The following GABRA5 variants were observed in gnomAD, a reference collection of about 807,000 sequenced individuals.
GABRA5 encodes the protein gamma-aminobutyric acid receptor subunit alpha-5.
Under a neutral mutation model 47.3 loss-of-function variants are expected in GABRA5, and 18 were observed. The observed-to-expected ratio is 0.38, with a 90% confidence interval of 0.26 to 0.56. The LOEUF is 0.56. Among genes scored for constraint, GABRA5 ranks in the 20% least tolerant of loss-of-function variants. The pLI is 0.71. For synonymous variants in GABRA5, 237 were observed against 229.3 expected, an observed-to-expected ratio of 1.03 and a Z score of -0.30; for missense variants, 365 against 599.3, an observed-to-expected ratio of 0.61 and a Z score of 4.08.
At chr15:26,877,618 A>C (rs547795147) in intron 3 of GABRA5, 1 of 454,388 alleles carries the variant, frequency 2.2e-6, no homozygotes, top group African/African-American at 2.0e-5. Context: ...CACTGCCTTC[A>C]CTAGCACCCG....
intron 9 of GABRA5, 146 bp downstream of exon 9, chr15:26,940,223 A>G (rs1595436405): frequency 1.5e-6 from 1 of 680,670 alleles, no homozygotes; most frequent in South Asian, 2.0e-5. Flanking sequence ...CTAATTAAGA[A>G]TTTAATGTTA....
In GABRA5 at chr15:26,940,006, T is replaced by A; in HGVS notation, c.806T>A (p.Ile269Lys). Residue 269 changes from isoleucine (I) to lysine (K), a missense_variant, in exon 9 of 11, where the codon ATA (isoleucine) becomes AAA (lysine). Around this residue, in one of 3 missense-constraint regions of GABRA5, gnomAD observed 43 missense variants for 133.7 expected, o/e 0.32. Transcript: ENST00000335625. The part of the protein sequence containing the change: ...YFVIQTYLPC[I>K]MTVILSQVSF... ...GTCATCCAGACCTACCTTCCCTGCA[T>A]AATGACCGTGATCTTATCACAGGTG... is the stretch of plus-strand genomic sequence containing the variant. The A allele has an allele frequency of 6.2e-7, 1 of 1,613,992 alleles. No individual in the cohort carries two copies. Among genetic ancestry groups the A allele is most frequent in the Non-Finnish European group, 8.5e-7 (1 of 1,179,878 alleles).
intron 2 of GABRA5, 41 bp from the exon 3 acceptor site, chr15:26,869,134 C>G: frequency 1.4e-6 from 1 of 717,800 alleles, no homozygotes; most frequent in Non-Finnish European, 2.6e-6. Context: ...GACACAACAG[C>G]ATTGATGTTC....
chr15:26,922,689 T>G (rs1893871215), intron 7 of GABRA5, among the ~76,000 whole-genome samples: 1 of 53,872 alleles, frequency 1.9e-5, no homozygotes, highest in Non-Finnish European at 4.5e-5. Flanking sequence ...CCATTTTGAT[T>G]TATTTATAAT....
rs1396021808 is a variant in GABRA5, at chr15:26,883,672, C to T, written c.497+115C>T. 1.6e-5 allele frequency: 13 copies of T among 816,344 alleles called. No homozygotes were observed. The highest frequency in any genetic ancestry group is 3.7e-4 in the Middle Eastern group (1 of 2,684). The allele number at this position is 816,344 out of a possible 1,614,324, so 50.6% of individuals were successfully genotyped here. ...TGTTCTGACCATAGGTCTGAGACTG[C>T]GGCGCGTGTGTGCTGGGGGTTCCCC... On this transcript the variant is annotated intron_variant, in intron 6 of 10. Transcript: ENST00000335625. The surrounding 1 kb of genome is among the most constrained non-coding windows in gnomAD (Gnocchi z 4.8).
At chr15:26,937,358 G>A (rs769748036) in intron 8 of GABRA5, 30 bp downstream of exon 8, 1 of 1,572,174 alleles carries the variant, frequency 6.4e-7, no homozygotes, top group Non-Finnish European at 8.6e-7. Flanking sequence ...TGTGCTGCCA[G>A]GCGCACTCAG....
intron 7 of GABRA5, among the ~76,000 whole-genome samples, chr15:26,932,748 C>T (rs1382513421): frequency 1.3e-5 from 2 of 152,112 alleles, no homozygotes; most frequent in African/African-American, 2.4e-5. Flanking sequence ...ATAAGGAAAA[C>T]GTGGTACATA....
At chr15:26,945,480 A>C (rs1022845191) in intron 10 of GABRA5, among the ~76,000 whole-genome samples, 1 of 152,222 alleles carries the variant, frequency 6.6e-6, no homozygotes, top group Non-Finnish European at 1.5e-5. Context: ...TTCAGAGAGG[A>C]AGAGATCGAA....
rs748482059 is a variant in GABRA5, at chr15:26,948,057, G to A, written c.1213G>A (p.Val405Ile). 6.2e-7 allele frequency: 1 copy of A among 1,609,068 alleles called. No individual in the cohort carries two copies. The change falls in exon 11 of 11, where the codon GTA becomes ATA. Residue 405 changes from valine (V) to isoleucine (I), a missense_variant. Coordinates refer to ENST00000335625, the MANE Select transcript of GABRA5 (RefSeq NM_000810.4). The stretch of plus-strand genomic sequence containing the variant: ...GACGTCGAATACAACCTCAGTCTCA[G>A]TAAAACCCTCTGAAGAGAAGACTTC... Reference protein sequence around the residue: ...AGTSNTTSVSVKPSEEKTSES... With the variant: ...AGTSNTTSVSIKPSEEKTSES...
intron 8 of GABRA5, among the ~76,000 whole-genome samples, 154 bp from the exon 9 acceptor site, chr15:26,939,771 T>C (rs765913319): frequency 4.6e-5 from 7 of 152,144 alleles, no homozygotes; most frequent in Non-Finnish European, 7.3e-5. Context: ...AACAAATTCA[T>C]GCATCCTCCT....
chr15:26,917,651 TAA>T (rs879768914), intron 7 of GABRA5, among the ~76,000 whole-genome samples: 12 of 152,106 alleles, frequency 7.9e-5, no homozygotes, highest in Non-Finnish European at 1.6e-4. Flanking sequence ...AATTCTTCCT[TAA>T]ATGTTTGGTA....
chr15:26,930,202 G>A (rs915013781), intron 7 of GABRA5, among the ~76,000 whole-genome samples: 7 of 151,744 alleles, frequency 4.6e-5, no homozygotes, highest in African/African-American at 1.5e-4. Flanking sequence ...TAGTAAAGAC[G>A]GGGTTTCACC....
chr15:26,869,405 C>A lies in GABRA5; in HGVS notation c.86+71C>A, dbSNP rs1188300776. The A allele has an allele frequency of 5.5e-6, 5 of 917,276 alleles. No individual in the cohort carries two copies. In the East Asian group the frequency reaches 7.2e-5, roughly 13 times the overall value. 56.8% of individuals were successfully genotyped at this position (917,276 alleles called of 1,614,324 possible). On this transcript the variant is annotated intron_variant, in intron 3 of 10. Coordinates refer to ENST00000335625, the MANE Select transcript of GABRA5 (RefSeq NM_000810.4). ...GTGCCTTTCAGACATGTTACGGGAGCAGCACATCCATTGAGCAAGTCCTCG... is the reference window on the plus strand; with the variant it reads ...GTGCCTTTCAGACATGTTACGGGAGAAGCACATCCATTGAGCAAGTCCTCG...
intron 7 of GABRA5, among the ~76,000 whole-genome samples, chr15:26,921,250 T>G (rs1000652695): frequency 1.1e-4 from 17 of 152,166 alleles, no homozygotes; most frequent in Non-Finnish European, 2.1e-4. Context: ...CACCAGGGCT[T>G]GAAGGTAACT....
chr15:26,938,908 C>T (rs1201331509), intron 8 of GABRA5, among the ~76,000 whole-genome samples: 1 of 152,216 alleles, frequency 6.6e-6, no homozygotes, highest in Non-Finnish European at 1.5e-5. Context: ...GGGCTTCCAT[C>T]CCAACAGTAA....
intron 6 of GABRA5, among the ~76,000 whole-genome samples, chr15:26,893,054 T>TTG (rs1374504842): frequency 2.0e-5 from 3 of 150,378 alleles, no homozygotes; most frequent in African/African-American, 7.3e-5. Context: ...GGTGTGTCTG[T>TTG]TGTGTGTGTA....
chr15:26,905,670 AT>A (rs200563045), intron 6 of GABRA5, among the ~76,000 whole-genome samples: 6,194 of 150,052 alleles, frequency 0.041, 397 homozygotes, highest in African/African-American at 0.14. Context: ...ATTTTTCTTC[AT>A]TTTTTTTCTT....
chr15:26,945,566 G>A (rs988262145), intron 10 of GABRA5, among the ~76,000 whole-genome samples: 3 of 152,180 alleles, frequency 2.0e-5, no homozygotes, highest in African/African-American at 4.8e-5. Context: ...GTTGCCTCAT[G>A]TCAGGGATGT....
chr15:26,881,729 C>T lies in GABRA5; in HGVS notation c.208+762C>T, dbSNP rs1028078397. ...TTTTTTTTTATTTGAGATGGAGTTT[C>T]GCTCCTGTTGCCCAGGCAGGAGTGC... On this transcript the variant is annotated intron_variant, in intron 4 of 10. Coordinates refer to ENST00000335625, the MANE Select transcript of GABRA5 (RefSeq NM_000810.4). 5.3e-5 allele frequency among the ~76,000 whole-genome samples: 8 copies of T among 152,184 alleles called. No homozygotes were observed. In the East Asian group the frequency reaches 7.7e-4, roughly 15 times the overall value.
Sources: gnomAD v4.1 joint callset for allele counts (sites outside exome capture counted in the v4.1 genomes callset) on GRCh38, gnomAD v4.1.1 for gene constraint, gnomAD v4.1.1 regional missense constraint, Gnocchi (gnomAD v3.1) non-coding constraint, MANE v1.5 for transcripts, NCBI Gene and HGNC (gene_info 2026-07-23, HGNC 2026-07-21) for gene names.